TUSC3: variants seen among roughly 807,000 people sequenced by gnomAD.
The protein encoded by TUSC3 is tumor suppressor candidate 3, also known as dolichyl-diphosphooligosaccharide--protein glycosyltransferase subunit TUSC3.
TUSC3 carries 45 observed loss-of-function variants against 44.8 expected under a neutral mutation model. The observed-to-expected ratio is 1.00, with a 90% CI of 0.79 to 1.29. TUSC3 has a LOEUF of 1.29. TUSC3 is among the 50% of genes most tolerant of loss of function. The pLI, the probability that TUSC3 is intolerant of heterozygous loss-of-function variation, is 0.00. For missense variants in TUSC3, 519 were observed against 437.9 expected (o/e 1.19, Z -1.65); for synonymous variants, 212 against 152.9 (o/e 1.39, Z -2.85).
chr8:15,807,202 T>C, the TUSC3 span: 1 of 725,620 alleles, frequency 1.4e-6, no homozygotes. Flanking sequence ...CCTTGCATGC[T>C]GCGTAGCTCG....
chr8:15,806,411 G>A, the TUSC3 span: 1 of 678,366 alleles, frequency 1.5e-6, no homozygotes, highest in Non-Finnish European at 2.7e-6. Flanking sequence ...GTGATACTTT[G>A]GGTGCATTTG....
intron 1 of TUSC3, among the ~76,000 whole-genome samples, chr8:15,575,530 C>G (rs1354494794): frequency 6.6e-6 from 1 of 152,038 alleles, no homozygotes; most frequent in Non-Finnish European, 1.5e-5. Flanking sequence ...CATTGGGAGG[C>G]CGAGGTTAGG....
At chr8:15,851,677 C>T in the TUSC3 span, among the ~76,000 whole-genome samples, 4 of 152,186 alleles carry the variant, frequency 2.6e-5, no homozygotes, top group South Asian at 8.3e-4. Flanking sequence ...AGGTTAATGA[C>T]ATCTTCATTT....
intron 1 of TUSC3, among the ~76,000 whole-genome samples, chr8:15,591,684 CT>C (rs1171267852): frequency 6.6e-6 from 1 of 152,098 alleles, no homozygotes; most frequent in Non-Finnish European, 1.5e-5. Context: ...GCAGATCTGA[CT>C]TTTAAGTAAG....
intron 5 of TUSC3, among the ~76,000 whole-genome samples, chr8:15,671,930 T>TA (rs1262752332): frequency 1.3e-5 from 2 of 152,044 alleles, no homozygotes; most frequent in Non-Finnish European, 2.9e-5. Context: ...CTTACATCTC[T>TA]AGAGTCCAGT....
At chr8:15,714,954 A>G (rs1055186105) in intron 6 of TUSC3, among the ~76,000 whole-genome samples, 15 of 152,178 alleles carry the variant, frequency 9.9e-5, no homozygotes, top group African/African-American at 3.6e-4. Flanking sequence ...TTTGGAATCT[A>G]TGATACAACG....
chr8:15,568,351 C>A (rs779800444), intron 1 of TUSC3, among the ~76,000 whole-genome samples: 1 of 152,098 alleles, frequency 6.6e-6, no homozygotes. Context: ...AAAATTGTTG[C>A]CCTCAGGGAG....
In TUSC3 at chr8:15,765,253, C is replaced by G. The variant is rs1049530430; in HGVS notation, c.*1097C>G. On this transcript the variant is annotated 3_prime_UTR_variant, in exon 11 of 11. Coordinates refer to ENST00000503731, the MANE Select transcript of TUSC3 (RefSeq NM_006765.4). ...TGAAAGCCAAAAATAAAGTTTATAA[C>G]CAGGCCTTCAAACTCTCAAACATGG... 1 of 152,016 alleles carries G rather than the reference C, an allele frequency of 6.6e-6. No homozygotes were observed. Among genetic ancestry groups the G allele is most frequent in the African/African-American group, 2.4e-5 (1 of 41,430 alleles). 9.4% of individuals were successfully genotyped at this position (152,016 alleles called of 1,614,324 possible). A position where few individuals can be genotyped will look rare whatever the true frequency, so the allele number is the denominator to read the frequency against.
intron 6 of TUSC3, among the ~76,000 whole-genome samples, chr8:15,715,190 A>G (rs1227771824): frequency 6.6e-6 from 1 of 152,022 alleles, no homozygotes; most frequent in South Asian, 2.1e-4. Flanking sequence ...ATAGTACCAA[A>G]CTCTATATAT....
In TUSC3 at chr8:15,765,773, G is replaced by C. The variant is rs1305510198; in HGVS notation, c.*1617G>C. 1 of 152,012 alleles carries C rather than the reference G, an allele frequency of 6.6e-6. No individual in the cohort carries two copies. Among genetic ancestry groups the C allele is most frequent in the East Asian group, 1.9e-4 (1 of 5,180 alleles). The allele number at this position is 152,012 out of a possible 1,614,324, so 9.4% of individuals were successfully genotyped here. On this transcript the variant is annotated 3_prime_UTR_variant, in exon 11 of 11. Coordinates refer to ENST00000503731, the MANE Select transcript of TUSC3 (RefSeq NM_006765.4). ...AAGCAATAGATGAACTTAATCATTTGATCACTGCCTATCACTAGGCAGAAC... is the reference window on the plus strand; with the variant it reads ...AAGCAATAGATGAACTTAATCATTTCATCACTGCCTATCACTAGGCAGAAC...
chr8:15,489,173 C>T (rs1800774033), intron 2 of TUSC3, among the ~76,000 whole-genome samples: 1 of 152,108 alleles, frequency 6.6e-6, no homozygotes, highest in Admixed American at 6.6e-5. Context: ...ATGCATCAGT[C>T]AATACCTGTA....
intron 6 of TUSC3, among the ~76,000 whole-genome samples, chr8:15,697,675 G>C (rs1809228997): frequency 6.6e-6 from 1 of 152,038 alleles, no homozygotes; most frequent in African/African-American, 2.4e-5. Flanking sequence ...AGACCTAATG[G>C]GTTATGTACA....
At position 15,586,751 on chromosome 8, in the gene TUSC3, T is replaced by C. The variant is rs371400975; in HGVS notation, c.139-36329T>C. Among the ~76,000 whole-genome samples the C allele has an allele frequency of 5.3e-5, 8 of 152,282 alleles. 1 individual carries two copies. Among genetic ancestry groups the C allele is most frequent in the African/African-American group, 1.9e-4 (8 of 41,554 alleles). On this transcript the variant is annotated intron_variant, in intron 1 of 10. Coordinates refer to ENST00000503731, the MANE Select transcript of TUSC3 (RefSeq NM_006765.4). The stretch of plus-strand genomic sequence containing the variant: ...CATACCTATTGTGTGGAGCCAGGGT[T>C]GATACCGACAAGCATTTGGGGAGCA...
chr8:15,673,926 G>T, intron 6 of TUSC3, 90 bp downstream of exon 6: 1 of 1,136,084 alleles, frequency 8.8e-7, no homozygotes, highest in Non-Finnish European at 1.3e-6. Context: ...AGTAGGAAAA[G>T]ATTCTGTTTG....
chr8:15,504,326 C>T (rs1027788302), intron 2 of TUSC3, among the ~76,000 whole-genome samples: 1 of 151,912 alleles, frequency 6.6e-6, no homozygotes, highest in African/African-American at 2.4e-5. Context: ...ACTTCTAAAA[C>T]CTCATAGAGG....
At chr8:15,836,795 T>C in the TUSC3 span, among the ~76,000 whole-genome samples, 2 of 152,220 alleles carry the variant, frequency 1.3e-5, no homozygotes, top group East Asian at 1.9e-4. Context: ...TTAAATGATA[T>C]GCTTTTAATT....
chr8:15,504,598 TA>T lies in TUSC3; in HGVS notation n.189+21116del, dbSNP rs1563268520. On this transcript the variant is annotated intron_variant and non_coding_transcript_variant, in intron 2 of 5. Transcript: ENST00000503191. Reference sequence around the variant, plus strand: ...TTCAGGATATATATATATATATATATATATATATATATATATATATATATTT... The same window carrying T: ...TTCAGGATATATATATATATATATATTATATATATATATATATATATATTT... Among the ~76,000 whole-genome samples, 14 of 39,166 alleles carry T rather than the reference TA, an allele frequency of 3.6e-4. 1 individual carries two copies. The highest frequency in any genetic ancestry group is 1.6e-3 in the African/African-American group (11 of 6,982). The allele number at this position is 39,166 out of a possible 152,430, so 25.7% of individuals were successfully genotyped here. A position where few individuals can be genotyped will look rare whatever the true frequency, so the allele number is the denominator to read the frequency against.
intron 1 of TUSC3, among the ~76,000 whole-genome samples, chr8:15,619,013 A>G (rs997813497): frequency 6.6e-6 from 1 of 152,242 alleles, no homozygotes; most frequent in Non-Finnish European, 1.5e-5. Context: ...CTCTACCACT[A>G]GTCACAAGTC....
intron 1 of TUSC3, among the ~76,000 whole-genome samples, chr8:15,478,578 C>A (rs1257848660): frequency 6.6e-6 from 1 of 152,124 alleles, no homozygotes; most frequent in East Asian, 1.9e-4. Flanking sequence ...GCTTCCAGCA[C>A]CATCCATGTC....
Sources: gnomAD v4.1 joint callset for allele counts (sites outside exome capture counted in the v4.1 genomes callset) on GRCh38, gnomAD v4.1.1 for gene constraint, MANE v1.5 for transcripts, NCBI Gene and HGNC (gene_info 2026-07-23, HGNC 2026-07-21) for gene names.